The following DNAH14 variants were observed in gnomAD, a reference collection of about 807,000 sequenced individuals.
DNAH14 encodes the protein dynein axonemal heavy chain 14.
A neutral mutation model predicts 520.9 loss-of-function variants in DNAH14; 478 were observed. That is an observed-to-expected ratio of 0.92 (90% CI 0.85 to 0.99). The LOEUF (loss-of-function observed/expected upper bound fraction) is 0.99. Ranked by LOEUF, DNAH14 falls within the 50% of genes least tolerant of loss-of-function variation. The probability of loss-of-function intolerance (pLI) is 0.00; values close to 1 mark genes in which losing one functional copy is unlikely to be tolerated. For missense variants in DNAH14, 4,831 were observed against 5,234.5 expected, an observed-to-expected ratio of 0.92 and a Z score of 2.38; for synonymous variants, 1,581 against 1,757.2, an observed-to-expected ratio of 0.90 and a Z score of 2.51.
chr1:225,041,149 C>T (rs181466323), intron 12 of DNAH14, among the ~76,000 whole-genome samples: 3 of 152,292 alleles, frequency 2.0e-5, no homozygotes, highest in Non-Finnish European at 2.9e-5. Flanking sequence ...CCACTTTTGT[C>T]CCATAGCCCA....
At chr1:225,056,360 C>G (rs186490572) in intron 17 of DNAH14, among the ~76,000 whole-genome samples, 1 of 152,104 alleles carries the variant, frequency 6.6e-6, no homozygotes, top group South Asian at 2.1e-4. Flanking sequence ...TCATATCCTT[C>G]GCCCACTTTT....
intron 3 of DNAH14, among the ~76,000 whole-genome samples, chr1:224,958,585 G>A (rs2060653177): frequency 6.6e-6 from 1 of 152,106 alleles, no homozygotes; most frequent in South Asian, 2.1e-4. Context: ...GCAATGGACT[G>A]GAGTTCCTGA....
intron 1 of DNAH14, among the ~76,000 whole-genome samples, chr1:224,947,107 G>A (rs1381095251): frequency 2.0e-5 from 3 of 151,608 alleles, no homozygotes; most frequent in Admixed American, 6.6e-5. Context: ...GAGTAGAGAC[G>A]GGGTTTTACC....
At chr1:225,131,096 T>C (rs1250212588) in intron 27 of DNAH14, among the ~76,000 whole-genome samples, 2 of 152,324 alleles carry the variant, frequency 1.3e-5, no homozygotes, top group Non-Finnish European at 2.9e-5. Flanking sequence ...AAGTATTCAT[T>C]GTATAATTCC....
At chr1:225,318,259 A>G (rs1399455239) in intron 60 of DNAH14, among the ~76,000 whole-genome samples, 2 of 152,350 alleles carry the variant, frequency 1.3e-5, no homozygotes, top group Non-Finnish European at 2.9e-5. Flanking sequence ...GTAGCTTCAC[A>G]GTAATTCTAC....
chr1:225,273,936 C>T (rs879801567), intron 52 of DNAH14, among the ~76,000 whole-genome samples: 2 of 152,260 alleles, frequency 1.3e-5, no homozygotes, highest in South Asian at 2.1e-4. Context: ...TTTCTGTCTT[C>T]TCTGGTGGTG....
intron 1 of DNAH14, among the ~76,000 whole-genome samples, chr1:224,930,077 G>A (rs1307715281): frequency 6.6e-6 from 1 of 152,206 alleles, no homozygotes; most frequent in African/African-American, 2.4e-5. Flanking sequence ...AGCTCTCAAC[G>A]CGAGGTTCTT....
chr1:225,207,232 T>TC lies in DNAH14; in HGVS notation c.6439+13dup. The TC allele has an allele frequency of 6.7e-7, 1 of 1,497,536 alleles. No individual in the cohort carries two copies. The highest frequency in any genetic ancestry group is 1.3e-5 in the South Asian group (1 of 75,790). The allele number at this position is 1,497,536 out of a possible 1,614,324, so 92.8% of individuals were successfully genotyped here. On this transcript the variant is annotated intron_variant, in intron 41 of 85. Transcript: ENST00000682510. ...AGGATTTGAACAAAGTGAGTTTTTT[T>TC]CTCTAAGTCATATCAATGATATATC...
At chr1:225,170,673 G>C (rs61438284) in intron 36 of DNAH14, among the ~76,000 whole-genome samples, 24,409 of 152,100 alleles carry the variant, frequency 0.16, 2,247 homozygotes, top group East Asian at 0.25. Context: ...AATAATGGGA[G>C]ACTTTAATAC....
chr1:225,078,799 TCTCTCTCTCTCTCTCTCTC>T (rs2072633897), intron 17 of DNAH14, among the ~76,000 whole-genome samples: 1 of 57,832 alleles, frequency 1.7e-5, no homozygotes, highest in South Asian at 8.3e-4. Flanking sequence ...TCTCTCTCTC[TCTCTCTCTCTCTCTCTCTC>T]TCTCTCCCTC....
intron 1 of DNAH14, among the ~76,000 whole-genome samples, chr1:224,934,375 T>G (rs1449348661): frequency 3.9e-5 from 6 of 151,940 alleles, no homozygotes; most frequent in Non-Finnish European, 8.8e-5. Context: ...ACTGAAGAAT[T>G]TATTGAAGTA....
At chr1:225,002,948 A>T (rs182268630) in intron 9 of DNAH14, 21 bp downstream of exon 9, 23 of 1,487,706 alleles carry the variant, frequency 1.5e-5, no homozygotes, top group Non-Finnish European at 2.1e-5. Flanking sequence ...GTATACTACT[A>T]TAAGCTAATA....
At chr1:224,938,694 A>G (rs1035203152) in intron 1 of DNAH14, among the ~76,000 whole-genome samples, 2 of 152,242 alleles carry the variant, frequency 1.3e-5, no homozygotes, top group Non-Finnish European at 2.9e-5. Flanking sequence ...TACTGATTAT[A>G]TATCCAAAAG....
chr1:225,051,769 G>A lies in DNAH14; in HGVS notation c.2398G>A (p.Glu800Lys). The A allele has an allele frequency of 6.7e-7, 1 of 1,491,396 alleles. No homozygotes were observed. Among genetic ancestry groups the A allele is most frequent in the Non-Finnish European group, 8.9e-7 (1 of 1,120,764 alleles). The allele number at this position is 1,491,396 out of a possible 1,614,324, so 92.4% of individuals were successfully genotyped here. A position where few individuals can be genotyped will look rare whatever the true frequency, so the allele number is the denominator to read the frequency against. The change falls in exon 17 of 86, where the codon GAA becomes AAA. Residue 800 changes from glutamate to lysine, a missense_variant. Glu to Lys is a moderately conservative substitution (Grantham distance 56). Transcript: ENST00000682510. ...CCACACCCTCATACAATCTGTAATTGAAAAAAAGAACAAAAATTTATTGGA... is the reference window on the plus strand; with the variant it reads ...CCACACCCTCATACAATCTGTAATTAAAAAAAAGAACAAAAATTTATTGGA... ...MSHTLIQSVI[E>K]KKNKNLLEVV...
At chr1:225,351,911 A>C in intron 72 of DNAH14, 28 bp downstream of exon 72, 1 of 1,521,350 alleles carries the variant, frequency 6.6e-7, no homozygotes, top group Non-Finnish European at 8.9e-7. Flanking sequence ...GTTTTAACCT[A>C]ACTTAAGTAT....
At chr1:225,237,280 T>G (rs776021989) in intron 42 of DNAH14, among the ~76,000 whole-genome samples, 1 of 152,170 alleles carries the variant, frequency 6.6e-6, no homozygotes, top group Non-Finnish European at 1.5e-5. Flanking sequence ...GATTTAGTGC[T>G]TCCTTCAGGA....
chr1:225,356,120 G>T (rs1263229583), intron 73 of DNAH14, among the ~76,000 whole-genome samples: 1 of 152,128 alleles, frequency 6.6e-6, no homozygotes, highest in Non-Finnish European at 1.5e-5. Flanking sequence ...ACAAAGGTTT[G>T]TTTCTGCCTT....
At chr1:225,349,018 CTAGAA>C (rs1391984901) in intron 71 of DNAH14, among the ~76,000 whole-genome samples, 2 of 152,218 alleles carry the variant, frequency 1.3e-5, no homozygotes, top group East Asian at 3.9e-4. Context: ...GTCACCCAGG[CTAGAA>C]TACAGTGATG....
intron 8 of DNAH14, among the ~76,000 whole-genome samples, chr1:224,978,619 G>A (rs2062033074): frequency 6.6e-6 from 1 of 152,082 alleles, no homozygotes; most frequent in Non-Finnish European, 1.5e-5. Flanking sequence ...TTTTCAAATA[G>A]TTAGAAGATT....
Sources: allele counts gnomAD v4.1 joint callset (sites outside exome capture counted in the v4.1 genomes callset), GRCh38; gene constraint gnomAD v4.1.1; transcripts MANE v1.5; gene names NCBI Gene and HGNC (gene_info 2026-07-23, HGNC 2026-07-21).